The following HDAC5 variants were observed in gnomAD, a reference collection of about 807,000 sequenced individuals.
The protein encoded by HDAC5 is antigen NY-CO-9.
Under a neutral mutation model 133.3 loss-of-function variants are expected in HDAC5, and 25 were observed. That is an observed-to-expected ratio of 0.19 (90% confidence interval 0.14 to 0.26). The LOEUF (loss-of-function observed/expected upper bound fraction) is 0.26, where lower values mean the gene tolerates loss of function less well. Ranked by LOEUF, HDAC5 falls within the 10% of genes least tolerant of loss-of-function variation. The pLI, the probability that HDAC5 is intolerant of heterozygous loss-of-function variation, is 1.00. For missense variants in HDAC5, 1,041 were observed against 1,460.5 expected, an observed-to-expected ratio of 0.71 and a Z score of 4.68; for synonymous variants, 589 against 610.8, an observed-to-expected ratio of 0.96 and a Z score of 0.53.
chr17:44,111,253 AG>A (rs937366445), intron 2 of HDAC5: 2 of 292,686 alleles, frequency 6.8e-6, no homozygotes, highest in African/African-American at 4.3e-5. Context: ...GGCAGCTGGC[AG>A]GAGACTGAAA....
At chr17:44,113,912 C>T (rs1311812457) in intron 2 of HDAC5, among the ~76,000 whole-genome samples, 1 of 152,198 alleles carries the variant, frequency 6.6e-6, no homozygotes, top group African/African-American at 2.4e-5. Flanking sequence ...GCCAGCTTCC[C>T]TGAGACCCAG....
chr17:44,087,404 G>A lies in HDAC5; in HGVS notation c.1884+8C>T, dbSNP rs1334994688. The A allele has an allele frequency of 3.4e-6, 3 of 875,760 alleles. No individual in the cohort carries two copies. In the South Asian group the frequency reaches 4.1e-5, roughly 12 times the overall value. 54.2% of individuals were successfully genotyped at this position (875,760 alleles called of 1,614,324 possible). On this transcript the variant is annotated splice_region_variant and intron_variant, in intron 13 of 26. Coordinates refer to ENST00000682912, the MANE Select transcript of HDAC5 (RefSeq NM_005474.5). ...TGACCAAGGACTGGGACCAGGGACG[G>A]GGCTCACTTTTTTGTATCCAGCACC...
rs142932736 is a variant in HDAC5 at position 44,120,263 on chromosome 17, C to T, written c.-189-2559G>A. 2.3e-3 allele frequency among the ~76,000 whole-genome samples: 355 copies of T among 152,304 alleles called. 5 individuals are homozygous for T. The highest frequency in any genetic ancestry group is 7.7e-3 in the African/African-American group (319 of 41,566). Reference sequence around the variant, plus strand: ...AACTCCCTCAAAATTCCTGGGGAGTCAGGTGTCCCTTGAAGACCCTCTCTG... The same window carrying T: ...AACTCCCTCAAAATTCCTGGGGAGTTAGGTGTCCCTTGAAGACCCTCTCTG... On this transcript the variant is annotated intron_variant, in intron 1 of 26. Coordinates refer to ENST00000682912, the MANE Select transcript of HDAC5 (RefSeq NM_005474.5).
Position 44,085,144 on chromosome 17 carries a change from C to T in HDAC5, c.2062G>A (p.Asp688Asn). The T allele has an allele frequency of 6.3e-7, 1 of 1,595,304 alleles. No individual in the cohort carries two copies. Among genetic ancestry groups the T allele is most frequent in the Non-Finnish European group, 8.6e-7 (1 of 1,164,550 alleles). Residue 688 changes from aspartate to asparagine, a missense_variant, in exon 15 of 27, where the codon GAC (aspartate) becomes AAC (asparagine). By Grantham distance (23) the Asp-to-Asn change is conservative. Coordinates refer to ENST00000682912, the MANE Select transcript of HDAC5 (RefSeq NM_005474.5). Reference protein sequence around the residue: ...KHLFTTGVVYDTFMLKHQCMC... With the variant: ...KHLFTTGVVYNTFMLKHQCMC... The stretch of plus-strand genomic sequence containing the variant: ...CACTGGTGCTTTAGCATGAACGTGT[C>T]GTAGACCACACCTGGGCCACAGACC...
intron 3 of HDAC5, among the ~76,000 whole-genome samples, chr17:44,096,800 C>T (rs1205534148): frequency 2.7e-5 from 4 of 149,594 alleles, no homozygotes; most frequent in Admixed American, 6.7e-5. Context: ...AGTCTCACTG[C>T]AACCTCCGCC....
rs368481117 is a variant in HDAC5 at position 44,092,387 on chromosome 17, G to A, written c.913C>T (p.Pro305Ser). 17 of 1,612,370 alleles carry A rather than the reference G, an allele frequency of 1.1e-5. No homozygotes were observed. The highest frequency in any genetic ancestry group is 1.4e-5 in the Non-Finnish European group (16 of 1,178,712). ...KRAVEITGAG[P>S]GASSVCNSAP... ...ACATGAGAGCAGCCCTTACCCCCAG[G>A]CCCGGCACCTGTGATCTCAACAGCT... The change falls in exon 8 of 27, where the codon CCT becomes TCT. Residue 305 changes from proline (P) to serine (S), a missense_variant. By Grantham distance (74) the Pro-to-Ser change is moderately conservative. Around this residue, in one of 9 missense-constraint regions of HDAC5, gnomAD observed 433 missense variants for 531.6 expected, o/e 0.81. Transcript: ENST00000682912.
Position 44,093,557 on chromosome 17 carries a change from C to A in HDAC5, c.354+18G>T. 1 of 1,599,392 alleles carries A rather than the reference C, an allele frequency of 6.3e-7. No homozygotes were observed. The highest frequency in any genetic ancestry group is 8.5e-7 in the Non-Finnish European group (1 of 1,171,354). On this transcript the variant is annotated intron_variant, in intron 4 of 26. Transcript: ENST00000682912. Reference sequence around the variant, plus strand: ...GGGATCGGAGGTCTGGGCGGCCCCCCGCACCCCCCTCGCTCACCTTGAGGT... The same window carrying A: ...GGGATCGGAGGTCTGGGCGGCCCCCAGCACCCCCCTCGCTCACCTTGAGGT...
intron 3 of HDAC5, among the ~76,000 whole-genome samples, chr17:44,109,963 G>A (rs1264388748): frequency 2.6e-5 from 4 of 152,222 alleles, no homozygotes; most frequent in African/African-American, 4.8e-5. Context: ...GGGAAGGAGC[G>A]GCCCAGCTCT....
intron 2 of HDAC5, among the ~76,000 whole-genome samples, chr17:44,115,541 C>G (rs923327064): frequency 2.6e-5 from 4 of 152,216 alleles, no homozygotes; most frequent in Admixed American, 1.3e-4. Flanking sequence ...GAATAGCAGA[C>G]GCTAGGCCCC....
At position 44,083,607 on chromosome 17, in the gene HDAC5, C is replaced by T. The variant is rs751442149; in HGVS notation, c.2401G>A (p.Val801Met). ...AGCAGGCAGCCCACTGCCATGCGCA[C>T]AGCACTGGAGGAGTGCATCTCATTC... ...VWNEMHSSSA[V>M]RMAVGCLLEL... Residue 801 changes from valine to methionine, a missense_variant, in exon 18 of 27, where the codon GTG becomes ATG. Physicochemically the swap from Val to Met is conservative, Grantham distance 21. This residue lies in a region of HDAC5 where 174 missense variants were observed against 352.7 expected (regional missense o/e 0.49). Transcript: ENST00000682912. 1 of 1,614,176 alleles carries T rather than the reference C, an allele frequency of 6.2e-7. No homozygotes were observed. Among genetic ancestry groups the T allele is most frequent in the Admixed American group, 1.7e-5 (1 of 60,024 alleles).
In HDAC5 at chr17:44,117,639, G is replaced by T; in HGVS notation, c.-124C>A. On this transcript the variant is annotated 5_prime_UTR_variant, in exon 2 of 27. Coordinates refer to ENST00000682912, the MANE Select transcript of HDAC5 (RefSeq NM_005474.5). The surrounding 1 kb of genome is among the most constrained non-coding windows in gnomAD (Gnocchi z 4.2). Reference sequence around the variant, plus strand: ...GACGGGACGGGAGCCCGGGGCCGCCGTGCCTCTAATGCCCATCCGAGGCCA... The same window carrying T: ...GACGGGACGGGAGCCCGGGGCCGCCTTGCCTCTAATGCCCATCCGAGGCCA... 2.6e-6 allele frequency: 3 copies of T among 1,160,806 alleles called. No homozygotes were observed. Among genetic ancestry groups the T allele is most frequent in the Non-Finnish European group, 3.8e-6 (3 of 786,442 alleles). The allele number at this position is 1,160,806 out of a possible 1,614,324, so 71.9% of individuals were successfully genotyped here.
At chr17:44,090,859 T>G (rs2050910929) in intron 11 of HDAC5, among the ~76,000 whole-genome samples, 2 of 152,038 alleles carry the variant, frequency 1.3e-5, no homozygotes, top group Admixed American at 6.5e-5. Context: ...CCGGCTAATT[T>G]TTTGTATTTT....
chr17:44,107,604 T>C (rs1413285866), intron 3 of HDAC5, among the ~76,000 whole-genome samples: 6 of 67,236 alleles, frequency 8.9e-5, no homozygotes, highest in African/African-American at 1.3e-4. Flanking sequence ...GGAGACTCCG[T>C]ATCAAAAAAA....
At position 44,078,627 on chromosome 17, in the gene HDAC5, G is replaced by C; in HGVS notation, c.3202C>G (p.Leu1068Val). The C allele has an allele frequency of 6.2e-7, 1 of 1,606,500 alleles. No homozygotes were observed. The highest frequency in any genetic ancestry group is 8.5e-7 in the Non-Finnish European group (1 of 1,179,686). The change falls in exon 26 of 27, where the codon CTG becomes GTG. Residue 1068 changes from leucine (L) to valine (V), a missense_variant. Around this residue, in one of 9 missense-constraint regions of HDAC5, gnomAD observed 95 missense variants for 107.3 expected, o/e 0.88. Coordinates refer to ENST00000682912, the MANE Select transcript of HDAC5 (RefSeq NM_005474.5). ...WSCVQKFAAG[L>V]GRSLREAQAG... ...TGGGCCTCTCGCAGGGACCGGCCCA[G>C]ACCAGCGGCGAACTTCTGCACACAG...
chr17:44,107,007 T>C (rs549864429), intron 3 of HDAC5, among the ~76,000 whole-genome samples: 7 of 152,078 alleles, frequency 4.6e-5, no homozygotes, highest in Non-Finnish European at 8.8e-5. Flanking sequence ...TGGAATGCAG[T>C]GATCATGGCT....
rs1385747872 is a variant in HDAC5 at position 44,084,655 on chromosome 17, G to A, written c.2205C>T (p.Ala735=). 3 of 1,614,058 alleles carry A rather than the reference G, an allele frequency of 1.9e-6. No homozygotes were observed. Among genetic ancestry groups the A allele is most frequent in the Non-Finnish European group, 2.5e-6 (3 of 1,179,952 alleles). Residue 735 remains alanine (A), a synonymous_variant, in exon 16 of 27, where the codon GCC becomes GCT. Transcript: ENST00000682912. The stretch of plus-strand genomic sequence containing the variant: ...GCACTGTCTGGATCTCATCTAGCGT[G>A]GCTTTGCGACCTCGGATCCGCTGCC... ...SKCERIRGRK[A]TLDEIQTVHS... is the part of the protein sequence containing the mutation.
At chr17:44,086,980 T>C (rs1208892207) in intron 13 of HDAC5, among the ~76,000 whole-genome samples, 5 of 3,618 alleles carry the variant, frequency 1.4e-3, no homozygotes, top group Non-Finnish European at 3.0e-3. Flanking sequence ...CTGGGAGGGG[T>C]GGGGGCGGGG....
chr17:44,093,013 G>T, intron 6 of HDAC5, 79 bp downstream of exon 6: 1 of 1,023,664 alleles, frequency 9.8e-7, no homozygotes. Context: ...GCACGGGGAA[G>T]AAGCCCCTTG....
chr17:44,101,410 CAAAAAAAAAA>C (rs35671008), intron 3 of HDAC5, among the ~76,000 whole-genome samples: 2 of 66,796 alleles, frequency 3.0e-5, no homozygotes, highest in African/African-American at 1.4e-4. Context: ...GACTCCGTCT[CAAAAAAAAAA>C]AAAAAAAAAA....
Sources: allele counts gnomAD v4.1 joint callset (sites outside exome capture counted in the v4.1 genomes callset), GRCh38; gene constraint gnomAD v4.1.1; regional missense constraint gnomAD v4.1.1; non-coding constraint Gnocchi (gnomAD v3.1); transcripts MANE v1.5; gene names NCBI Gene and HGNC (gene_info 2026-07-23, HGNC 2026-07-21).